The following NAV2 variants were observed in gnomAD, a reference collection of about 807,000 sequenced individuals.
NAV2 encodes the protein helicase, APC down-regulated 1.
NAV2 carries 54 observed loss-of-function variants against 223.2 expected under a neutral mutation model. The ratio of observed to expected loss-of-function variants is 0.24; its 90% CI spans 0.19 to 0.30. NAV2 has a LOEUF of 0.30. Among genes scored for constraint, NAV2 ranks in the 10% least tolerant of loss-of-function variants. NAV2 has a pLI of 1.00. For missense variants in NAV2, 2,806 were observed against 3,147.5 expected (o/e 0.89, Z 2.60); for synonymous variants, 1,279 against 1,239.3 (o/e 1.03, Z -0.67).
At chr11:20,009,822 C>T (rs2053416581) in intron 11 of NAV2, among the ~76,000 whole-genome samples, 1 of 152,166 alleles carries the variant, frequency 6.6e-6, no homozygotes, top group Non-Finnish European at 1.5e-5. Context: ...TCTTCATCCT[C>T]ACCCCATCCC....
In NAV2 at chr11:19,858,151, C is replaced by T. The variant is rs1372371887; in HGVS notation, c.439-10774C>T. 2.6e-5 allele frequency among the ~76,000 whole-genome samples: 4 copies of T among 152,224 alleles called. No homozygotes were observed. In the East Asian group the frequency reaches 5.8e-4, roughly 22 times the overall value. ...GATTAAAGGCGTGAGCCACCACGCCCGGCCAGAACTTGTTCATTTTATGAC... is the reference window on the plus strand; with the variant it reads ...GATTAAAGGCGTGAGCCACCACGCCTGGCCAGAACTTGTTCATTTTATGAC... On this transcript the variant is annotated intron_variant, in intron 3 of 37. Transcript: ENST00000349880.
At position 19,714,548 on chromosome 11, in the gene NAV2, T is replaced by C. The variant is rs554784572; in HGVS notation, c.267+586T>C. ...GGGCAAGGTGCTGGGACTGCGGTAC[T>C]AGTGCACCAGCTGAGGCCGGCAGCT... On this transcript the variant is annotated intron_variant, in intron 1 of 37. Transcript: ENST00000349880. 95 of 447,508 alleles carry C rather than the reference T, an allele frequency of 2.1e-4. 1 individual carries two copies. The highest frequency in any genetic ancestry group is 1.4e-3 in the African/African-American group (69 of 49,822). 27.7% of individuals were successfully genotyped at this position (447,508 alleles called of 1,614,324 possible).
intron 1 of NAV2, among the ~76,000 whole-genome samples, chr11:19,468,151 A>G (rs1329383039): frequency 1.3e-5 from 2 of 152,094 alleles, no homozygotes; most frequent in Non-Finnish European, 1.5e-5. Flanking sequence ...TCCATCCCCA[A>G]CTCCACTACT....
intron 11 of NAV2, among the ~76,000 whole-genome samples, chr11:19,993,409 C>T (rs1414695969): frequency 6.6e-6 from 1 of 152,162 alleles, no homozygotes; most frequent in African/African-American, 2.4e-5. Context: ...GTAACTTTTC[C>T]TCATTATTGG....
chr11:19,362,614 C>T (rs1199501204), intron 1 of NAV2, among the ~76,000 whole-genome samples: 2 of 152,134 alleles, frequency 1.3e-5, no homozygotes, highest in Non-Finnish European at 2.9e-5. Context: ...AATTATTGGA[C>T]ACTTGCCATC....
At chr11:19,481,416 A>G (rs1430819795) in intron 1 of NAV2, among the ~76,000 whole-genome samples, 2 of 152,130 alleles carry the variant, frequency 1.3e-5, no homozygotes, top group Non-Finnish European at 2.9e-5. Context: ...CCTGAGCCTC[A>G]TTTTTGTCTT....
intron 35 of NAV2, chr11:20,107,361 T>C (rs7928665): frequency 0.92 from 212,666 of 232,214 alleles, 98,910 homozygotes; most frequent in Non-Finnish European, 0.98. Context: ...GCTGGGATTA[T>C]AGGCGTGAGC....
intron 1 of NAV2, among the ~76,000 whole-genome samples, chr11:19,729,115 G>C (rs912412968): frequency 6.6e-6 from 1 of 152,144 alleles, no homozygotes; most frequent in Non-Finnish European, 1.5e-5. Flanking sequence ...ATATGACCAA[G>C]TGAGTGTGCA....
intron 10 of NAV2, among the ~76,000 whole-genome samples, chr11:19,971,889 G>C (rs1029157572): frequency 6.6e-6 from 1 of 152,154 alleles, no homozygotes; most frequent in Non-Finnish European, 1.5e-5. Context: ...TTTTAGTAGA[G>C]ACGGGGTTTC....
chr11:19,432,084 G>T (rs1851056662), intron 1 of NAV2, among the ~76,000 whole-genome samples: 1 of 151,938 alleles, frequency 6.6e-6, no homozygotes, highest in African/African-American at 2.4e-5. Context: ...TGTAATCCCA[G>T]CTACTTGGGA....
intron 1 of NAV2, among the ~76,000 whole-genome samples, chr11:19,576,940 G>T (rs146613918): frequency 3.1e-4 from 47 of 152,282 alleles, no homozygotes; most frequent in Non-Finnish European, 5.7e-4. Context: ...TATTTCTAAG[G>T]ACAGCTCCCC....
At chr11:20,114,348 A>G (rs1181108777) in intron 36 of NAV2, 1 of 565,592 alleles carries the variant, frequency 1.8e-6, no homozygotes, top group South Asian at 2.1e-5. Context: ...GAGCTGAGAC[A>G]TGAACCTAGA....
chr11:19,799,448 T>A (rs1010672788), intron 1 of NAV2, among the ~76,000 whole-genome samples: 1 of 152,030 alleles, frequency 6.6e-6, no homozygotes, highest in Non-Finnish European at 1.5e-5. Flanking sequence ...CAGTGGATCT[T>A]AGTGTGGGCA....
In NAV2 at chr11:19,945,434, G is replaced by A. The variant is rs982016918; in HGVS notation, c.2147-967G>A. Among the ~76,000 whole-genome samples the A allele has an allele frequency of 2.6e-5, 4 of 151,020 alleles. No individual in the cohort carries two copies. In the South Asian group the frequency reaches 6.3e-4, roughly 24 times the overall value. On this transcript the variant is annotated intron_variant, in intron 8 of 37. Transcript: ENST00000349880. Reference sequence around the variant, plus strand: ...CTGTTACCCAGGCTGGATTGCAATGGCACAATCTCGGCTGACTGCAACCTC... The same window carrying A: ...CTGTTACCCAGGCTGGATTGCAATGACACAATCTCGGCTGACTGCAACCTC...
intron 10 of NAV2, among the ~76,000 whole-genome samples, chr11:19,982,466 A>T (rs1025938280): frequency 6.6e-6 from 1 of 152,152 alleles, no homozygotes; most frequent in Non-Finnish European, 1.5e-5. Flanking sequence ...ATACAATTTG[A>T]TGGTTTTTAA....
At chr11:19,345,846 T>C (rs1239256948), upstream of NAV2, among the ~76,000 whole-genome samples, 1 of 152,150 alleles carries the variant, frequency 6.6e-6, no homozygotes, top group African/African-American at 2.4e-5. The surrounding 1 kb of genome is among the most constrained non-coding windows in gnomAD (Gnocchi z 5.2). Context: ...TGTTTCTGAC[T>C]GTCTTGTTTG....
chr11:19,746,011 A>C (rs141411971), intron 1 of NAV2, among the ~76,000 whole-genome samples: 7 of 152,308 alleles, frequency 4.6e-5, no homozygotes, highest in African/African-American at 1.7e-4. Context: ...ATTTTTATCA[A>C]CATGATTTTC....
intron 10 of NAV2, among the ~76,000 whole-genome samples, chr11:19,977,253 C>T (rs899193107): frequency 2.6e-5 from 4 of 152,206 alleles, no homozygotes; most frequent in Admixed American, 6.5e-5. Context: ...ACCTCACATC[C>T]TCTTGTTTCT....
chr11:20,092,347 C>T lies in NAV2; in HGVS notation c.5794C>T (p.Leu1932Phe), dbSNP rs142985202. 6.2e-7 allele frequency: 1 copy of T among 1,613,112 alleles called. No homozygotes were observed. Among genetic ancestry groups the T allele is most frequent in the African/African-American group, 1.3e-5 (1 of 74,922 alleles). The change falls in exon 28 of 38, where the codon CTC becomes TTC. Residue 1932 changes from leucine to phenylalanine, a missense_variant. Leu to Phe is a conservative substitution (Grantham distance 22). Transcript: ENST00000349880. Reference sequence around the variant, plus strand: ...GGGCCTCTCCCAGCACAGCTTGAACCTCACTGAGTCAACCAGCCTGGGTGA... The same window carrying T: ...GGGCCTCTCCCAGCACAGCTTGAACTTCACTGAGTCAACCAGCCTGGGTGA... ...SMGLSQHSLNLTESTSLDMLL... is the reference protein window; with the variant it reads ...SMGLSQHSLNFTESTSLDMLL...
Sources: allele counts gnomAD v4.1 joint callset (sites outside exome capture counted in the v4.1 genomes callset), GRCh38; gene constraint gnomAD v4.1.1; non-coding constraint Gnocchi (gnomAD v3.1); transcripts MANE v1.5; gene names NCBI Gene and HGNC (gene_info 2026-07-23, HGNC 2026-07-21).